Variants in RIMS1 observed in about 807,000 individuals in gnomAD.
RIMS1 encodes regulating synaptic membrane exocytosis protein 1.
A neutral mutation model predicts 214.1 loss-of-function variants in RIMS1; 83 were observed. The observed-to-expected ratio is 0.39, with a 90% CI of 0.32 to 0.47. RIMS1 has a LOEUF of 0.47. RIMS1 is among the 20% of genes least tolerant of loss of function. RIMS1 has a pLI of 0.99. For synonymous variants in RIMS1, 793 were observed against 786.8 expected, an observed-to-expected ratio of 1.01 and a Z score of -0.13; for missense variants, 2,050 against 2,161.8, an observed-to-expected ratio of 0.95 and a Z score of 1.03.
chr6:72,268,497 T>G (rs763408427), intron 22 of RIMS1, among the ~76,000 whole-genome samples: 5 of 152,178 alleles, frequency 3.3e-5, no homozygotes, highest in Non-Finnish European at 7.4e-5. Flanking sequence ...TTATACCAAC[T>G]TAACTCCTAA....
chr6:72,202,657 C>T (rs116727603), intron 6 of RIMS1, among the ~76,000 whole-genome samples: 310 of 152,222 alleles, frequency 2.0e-3, no homozygotes, highest in Middle Eastern at 6.8e-3. Context: ...TGTTTGTGTA[C>T]GTACATGATA....
intron 2 of RIMS1, among the ~76,000 whole-genome samples, chr6:71,989,634 G>C (rs936316557): frequency 6.6e-6 from 1 of 152,168 alleles, no homozygotes; most frequent in African/African-American, 2.4e-5. Context: ...GAATGTAGGT[G>C]CTACAGTTTC....
At chr6:72,028,585 A>C (rs1817205865) in intron 2 of RIMS1, among the ~76,000 whole-genome samples, 1 of 152,224 alleles carries the variant, frequency 6.6e-6, no homozygotes, top group Admixed American at 6.6e-5. Flanking sequence ...CAGCTTCTGC[A>C]TTATCACATT....
intron 2 of RIMS1, among the ~76,000 whole-genome samples, chr6:72,008,487 T>C (rs538673986): frequency 1.3e-5 from 2 of 152,276 alleles, no homozygotes; most frequent in South Asian, 4.1e-4. Context: ...TAACGTTCAA[T>C]GTAAATGGGC....
intron 2 of RIMS1, among the ~76,000 whole-genome samples, chr6:72,051,842 T>A (rs1824765258): frequency 6.6e-6 from 1 of 152,182 alleles, no homozygotes; most frequent in Admixed American, 6.5e-5. Flanking sequence ...AAGTATTATA[T>A]AATTTAGTGC....
chr6:72,078,118 T>G (rs1832376085), intron 2 of RIMS1, among the ~76,000 whole-genome samples: 2 of 152,204 alleles, frequency 1.3e-5, no homozygotes, highest in Admixed American at 1.3e-4. Context: ...ATCCTTAGAC[T>G]TGAGAGCATT....
Position 71,947,340 on chromosome 6 carries a change from G to A in RIMS1, c.165-21643G>A, listed in dbSNP as rs1788155125. 3.3e-5 allele frequency among the ~76,000 whole-genome samples: 5 copies of A among 152,020 alleles called. No homozygotes were observed. In the South Asian group the frequency reaches 1.0e-3, roughly 32 times the overall value. On this transcript the variant is annotated intron_variant, in intron 1 of 33. Coordinates refer to ENST00000521978, the MANE Select transcript of RIMS1 (RefSeq NM_014989.7). The stretch of plus-strand genomic sequence containing the variant: ...CAGATCAATGGATAAAGAAAAAGTG[G>A]TATATATACATAATGGAATACTGTT...
rs536813205 is a variant in RIMS1 at position 72,197,728 on chromosome 6, C to G, written c.1678+14579C>G. ...GGAAATAAAATAACCTGATCTTAGG[C>G]ATTAAAACAAAAGCTGAAGTAAAAG... On this transcript the variant is annotated intron_variant, in intron 6 of 33. Transcript: ENST00000521978. Among the ~76,000 whole-genome samples the G allele has an allele frequency of 3.3e-5, 5 of 152,114 alleles. No homozygotes were observed. In the East Asian group the frequency reaches 9.6e-4, roughly 29 times the overall value.
intron 1 of RIMS1, among the ~76,000 whole-genome samples, chr6:71,890,366 G>A (rs933871814): frequency 6.6e-6 from 1 of 151,912 alleles, no homozygotes; most frequent in Non-Finnish European, 1.5e-5. Flanking sequence ...GCAAATTAGA[G>A]GTCTTTTCTT....
chr6:72,214,452 A>G (rs2154014897), intron 6 of RIMS1, among the ~76,000 whole-genome samples: 1 of 152,282 alleles, frequency 6.6e-6, no homozygotes, highest in East Asian at 1.9e-4. Flanking sequence ...TCTTATATCA[A>G]GGCACTTTGG....
At chr6:71,994,088 A>G (rs1288897541) in intron 2 of RIMS1, among the ~76,000 whole-genome samples, 2 of 152,200 alleles carry the variant, frequency 1.3e-5, no homozygotes, top group African/African-American at 4.8e-5. Context: ...TGATGGTTAT[A>G]GTTTGTTTTA....
At chr6:72,221,954 G>T (rs1167605736) in intron 6 of RIMS1, among the ~76,000 whole-genome samples, 3 of 151,980 alleles carry the variant, frequency 2.0e-5, no homozygotes, top group Non-Finnish European at 4.4e-5. Flanking sequence ...TATTAGGTCA[G>T]TCTTCAATGT....
chr6:71,995,450 ACG>A lies in RIMS1; in HGVS notation c.245+26388_245+26389del, dbSNP rs1803093892. Among the ~76,000 whole-genome samples, 3 of 74,712 alleles carry A rather than the reference ACG, an allele frequency of 4.0e-5. No individual in the cohort carries two copies. The South Asian group carries it at 1.4e-3, about 34-fold the overall frequency. 49.0% of individuals were successfully genotyped at this position (74,712 alleles called of 152,430 possible). A position where few individuals can be genotyped will look rare whatever the true frequency, so the allele number is the denominator to read the frequency against. ...TCTGATTATTTTAATCTGTAATATG[ACG>A]TGTGTGTGTGTGTGTGTGTGTGTGT... On this transcript the variant is annotated intron_variant, in intron 2 of 33. Transcript: ENST00000521978.
chr6:71,934,112 A>G (rs190320414), intron 1 of RIMS1, among the ~76,000 whole-genome samples: 6 of 152,266 alleles, frequency 3.9e-5, no homozygotes, highest in African/African-American at 1.2e-4. Flanking sequence ...TGGGAGTAAA[A>G]GGGTGAGCAT....
intron 28 of RIMS1, among the ~76,000 whole-genome samples, chr6:72,320,726 T>G (rs1196307217): frequency 6.6e-6 from 1 of 151,770 alleles, no homozygotes; most frequent in Admixed American, 6.6e-5. Flanking sequence ...TAAATACTTA[T>G]TATTGTTTTT....
intron 1 of RIMS1, among the ~76,000 whole-genome samples, chr6:71,906,528 A>G (rs1005188335): frequency 6.6e-6 from 1 of 152,200 alleles, no homozygotes; most frequent in Admixed American, 6.5e-5. Flanking sequence ...GAACTGGGAA[A>G]CAAAGTTAAC....
At chr6:72,153,624 A>G (rs1424982357) in intron 4 of RIMS1, among the ~76,000 whole-genome samples, 1 of 152,174 alleles carries the variant, frequency 6.6e-6, no homozygotes, top group Admixed American at 6.5e-5. Flanking sequence ...TAATAATCAG[A>G]TAAAACTACC....
intron 6 of RIMS1, among the ~76,000 whole-genome samples, chr6:72,206,014 A>G (rs1182257409): frequency 6.6e-6 from 1 of 152,164 alleles, no homozygotes; most frequent in Non-Finnish European, 1.5e-5. Context: ...CTAACAGGAT[A>G]TATACCAAAA....
At chr6:72,081,228 G>T (rs1449825261) in intron 2 of RIMS1, among the ~76,000 whole-genome samples, 1 of 152,154 alleles carries the variant, frequency 6.6e-6, no homozygotes, top group African/African-American at 2.4e-5. Context: ...CAAAGGAAAT[G>T]ACCAAAAATA....
Sources: gnomAD v4.1 joint callset for allele counts (sites outside exome capture counted in the v4.1 genomes callset) on GRCh38, gnomAD v4.1.1 for gene constraint, MANE v1.5 for transcripts, NCBI Gene and HGNC (gene_info 2026-07-23, HGNC 2026-07-21) for gene names.